Variants in IRAG1 observed in about 807,000 individuals in gnomAD.
The protein encoded by IRAG1 is inositol 1,4,5-triphosphate receptor associated 1.
A neutral mutation model predicts 106.2 loss-of-function variants in IRAG1; 62 were observed. The observed-to-expected ratio is 0.58, with a 90% CI of 0.48 to 0.72. IRAG1 has a LOEUF of 0.72. Among genes scored for constraint, IRAG1 ranks in the 30% least tolerant of loss-of-function variants. IRAG1 has a pLI of 0.00. For missense variants in IRAG1, 1,064 were observed against 1,140.7 expected, an observed-to-expected ratio of 0.93 and a Z score of 0.97; for synonymous variants, 462 against 443.9, an observed-to-expected ratio of 1.04 and a Z score of -0.51.
chr11:10,656,760 AG>A (rs1858957512), intron 1 of IRAG1, among the ~76,000 whole-genome samples: 1 of 152,192 alleles, frequency 6.6e-6, no homozygotes, highest in African/African-American at 2.4e-5. Context: ...TAGCTGGTGA[AG>A]GGCTATAATC....
chr11:10,661,546 G>A (rs184008664), intron 1 of IRAG1, among the ~76,000 whole-genome samples: 9 of 152,334 alleles, frequency 5.9e-5, no homozygotes, highest in Middle Eastern at 3.4e-3. Flanking sequence ...CTCTAGGGGA[G>A]AATCCATTTC....
At chr11:10,641,707 T>C (rs1289674928) in intron 2 of IRAG1, among the ~76,000 whole-genome samples, 1 of 152,138 alleles carries the variant, frequency 6.6e-6, no homozygotes, top group African/African-American at 2.4e-5. Context: ...TGATAATGCC[T>C]CCCAAACTCA....
Position 10,647,907 on chromosome 11 carries a change from C to T in IRAG1, c.225+4118G>A, listed in dbSNP as rs1418513153. On this transcript the variant is annotated intron_variant, in intron 2 of 20. Coordinates refer to ENST00000423302, the MANE Select transcript of IRAG1 (RefSeq NM_130385.4). This position sits in a 1 kb window ranked among gnomAD's most constrained non-coding sequence, Gnocchi z 4.3. ...AGACTCTGAGAAGACTCAGAACTGC[C>T]TTTCTGCATCTGTAGGATTTCACCC... Among the ~76,000 whole-genome samples the T allele has an allele frequency of 6.6e-6, 1 of 152,182 alleles. No homozygotes were observed. Among genetic ancestry groups the T allele is most frequent in the African/African-American group, 2.4e-5 (1 of 41,436 alleles).
At chr11:10,670,741 G>C (rs1860153811) in intron 1 of IRAG1, among the ~76,000 whole-genome samples, 1 of 152,132 alleles carries the variant, frequency 6.6e-6, no homozygotes, top group Non-Finnish European at 1.5e-5. Context: ...CAATCTGACT[G>C]GTGTCCTTAT....
chr11:10,691,133 G>A (rs1451601347), intron 1 of IRAG1, among the ~76,000 whole-genome samples: 1 of 151,240 alleles, frequency 6.6e-6, no homozygotes, highest in East Asian at 1.9e-4. Flanking sequence ...GTGTTCTTTA[G>A]GGTCAAACTA....
At chr11:10,608,648 G>A (rs555864567) in intron 11 of IRAG1, among the ~76,000 whole-genome samples, 52 of 152,290 alleles carry the variant, frequency 3.4e-4, no homozygotes, top group African/African-American at 1.3e-3. Context: ...CTTCTCTGAA[G>A]AAATGTCTAT....
chr11:10,634,110 C>A (rs1462924853), intron 2 of IRAG1, 39 bp from the exon 3 acceptor site: 7 of 1,326,608 alleles, frequency 5.3e-6, no homozygotes, highest in Non-Finnish European at 7.4e-6. Flanking sequence ...TAGGCTTGGG[C>A]TGGTGGGACT....
At chr11:10,634,753 TTG>T (rs57266330) in intron 2 of IRAG1, among the ~76,000 whole-genome samples, 163 of 145,046 alleles carry the variant, frequency 1.1e-3, no homozygotes, top group Middle Eastern at 3.5e-3. Context: ...AATAATATTC[TTG>T]TGTGTGTGTG....
At chr11:10,601,160 G>A in intron 14 of IRAG1, 101 bp from the exon 15 acceptor site, 2 of 1,491,516 alleles carry the variant, frequency 1.3e-6, no homozygotes, top group Non-Finnish European at 1.8e-6. Flanking sequence ...GAATCAAAAG[G>A]ATACAGGGAC....
At position 10,575,166 on chromosome 11, in the gene IRAG1, A is replaced by G. The variant is rs1346430698; in HGVS notation, c.*1166T>C. 6.6e-6 allele frequency: 1 copy of G among 152,244 alleles called. No individual in the cohort carries two copies. The highest frequency in any genetic ancestry group is 2.4e-5 in the African/African-American group (1 of 41,452). 9.4% of individuals were successfully genotyped at this position (152,244 alleles called of 1,614,324 possible). On this transcript the variant is annotated 3_prime_UTR_variant, in exon 21 of 21. Coordinates refer to ENST00000423302, the MANE Select transcript of IRAG1 (RefSeq NM_130385.4). ...GCTGTAAAAGTGGGGAGAGAAGTCA[A>G]AATGGAGAGGGGATGTGCTCCTTCA...
At position 10,575,470 on chromosome 11, in the gene IRAG1, T is replaced by C. The variant is rs1445258200; in HGVS notation, c.*862A>G. ...TAAGTCTGCCATTGAAGCCATGAGT[T>C]TTCTGTGTTTTTAAAACATCTTCAA... is the stretch of plus-strand genomic sequence containing the variant. On this transcript the variant is annotated 3_prime_UTR_variant, in exon 21 of 21. Transcript: ENST00000423302. 1 of 152,232 alleles carries C rather than the reference T, an allele frequency of 6.6e-6. No homozygotes were observed. Among genetic ancestry groups the C allele is most frequent in the African/African-American group, 2.4e-5 (1 of 41,456 alleles). 9.4% of individuals were successfully genotyped at this position (152,232 alleles called of 1,614,324 possible). A position where few individuals can be genotyped will look rare whatever the true frequency, so the allele number is the denominator to read the frequency against.
intron 1 of IRAG1, among the ~76,000 whole-genome samples, chr11:10,666,124 C>T (rs183354187): frequency 7.9e-5 from 12 of 152,268 alleles, no homozygotes; most frequent in African/African-American, 2.6e-4. Flanking sequence ...AATTTCTCCG[C>T]AGGGGAGTCA....
chr11:10,595,025 T>G (rs998137604), intron 15 of IRAG1, among the ~76,000 whole-genome samples: 14 of 152,234 alleles, frequency 9.2e-5, no homozygotes, highest in African/African-American at 3.1e-4. Context: ...CCTGGGTTCA[T>G]GTGATTCTCG....
intron 4 of IRAG1, among the ~76,000 whole-genome samples, chr11:10,631,059 G>A (rs1471453011): frequency 6.6e-6 from 1 of 152,244 alleles, no homozygotes; most frequent in Non-Finnish European, 1.5e-5. Context: ...TGGCTACCAT[G>A]TGTTGAAGAG....
At position 10,573,128 on chromosome 11, in the gene IRAG1, A is replaced by T. The variant is rs1191373261; in HGVS notation, c.*3204T>A. 3 of 152,246 alleles carry T rather than the reference A, an allele frequency of 2.0e-5. No individual in the cohort carries two copies. Among genetic ancestry groups the T allele is most frequent in the Non-Finnish European group, 4.4e-5 (3 of 68,052 alleles). 9.4% of individuals were successfully genotyped at this position (152,246 alleles called of 1,614,324 possible). On this transcript the variant is annotated 3_prime_UTR_variant, in exon 21 of 21. Transcript: ENST00000423302. ...TGTGCTTTTATTTTCAAACTCAGGT[A>T]TGTGACACTCTACAGTTCAATGCTA...
At chr11:10,666,246 A>G (rs1373324235) in intron 1 of IRAG1, among the ~76,000 whole-genome samples, 1 of 152,216 alleles carries the variant, frequency 6.6e-6, no homozygotes, top group Non-Finnish European at 1.5e-5. Flanking sequence ...TACATCCTTT[A>G]TCTTATCCAG....
chr11:10,604,304 C>A, intron 13 of IRAG1, 101 bp downstream of exon 13: 2 of 1,457,174 alleles, frequency 1.4e-6, no homozygotes, highest in Non-Finnish European at 1.9e-6. Flanking sequence ...TTTTTCACTT[C>A]AGGAGACTAT....
At chr11:10,612,061 G>A (rs772105693) in intron 10 of IRAG1, among the ~76,000 whole-genome samples, 35 of 152,280 alleles carry the variant, frequency 2.3e-4, no homozygotes, top group South Asian at 1.0e-3. Flanking sequence ...AATAAAACAC[G>A]TCCCTCTGAA....
chr11:10,580,437 C>T lies in IRAG1; in HGVS notation c.2495+18G>A, dbSNP rs762049394. On this transcript the variant is annotated intron_variant, in intron 20 of 20. Coordinates refer to ENST00000423302, the MANE Select transcript of IRAG1 (RefSeq NM_130385.4). The stretch of plus-strand genomic sequence containing the variant: ...CCCATTTCAGCAACGGCAAGGACTC[C>T]AAACACAGGCTTCCCACCTGCTTCT... 4.4e-6 allele frequency: 7 copies of T among 1,603,840 alleles called. No homozygotes were observed. The East Asian group carries it at 6.7e-5, about 15-fold the overall frequency.
Sources: gnomAD v4.1 joint callset for allele counts (sites outside exome capture counted in the v4.1 genomes callset) on GRCh38, gnomAD v4.1.1 for gene constraint, Gnocchi (gnomAD v3.1) non-coding constraint, MANE v1.5 for transcripts, NCBI Gene and HGNC (gene_info 2026-07-23, HGNC 2026-07-21) for gene names.